The following RCAN3 variants were observed in gnomAD, a reference collection of about 807,000 sequenced individuals.
RCAN3 encodes the protein regulator of calcineurin 3.
A neutral mutation model predicts 21.9 loss-of-function variants in RCAN3; 19 were observed. That is an observed-to-expected ratio of 0.87 (90% confidence interval 0.61 to 1.27). The LOEUF is 1.27. RCAN3 is among the 50% of genes most tolerant of loss of function. The pLI, the probability that RCAN3 is intolerant of heterozygous loss-of-function variation, is 0.00. For synonymous variants in RCAN3, 114 were observed against 112.3 expected, an observed-to-expected ratio of 1.01 and a Z score of -0.09; for missense variants, 240 against 300.1, an observed-to-expected ratio of 0.80 and a Z score of 1.48.
intron 1 of RCAN3, among the ~76,000 whole-genome samples, chr1:24,506,748 A>G (rs1313784471): frequency 6.7e-6 from 1 of 149,472 alleles, no homozygotes; most frequent in Non-Finnish European, 1.5e-5. Context: ...AAGGTGTGAT[A>G]TTCTAAGAAT....
At chr1:24,533,326 G>C in intron 4 of RCAN3, 72 bp downstream of exon 4, 1 of 1,231,220 alleles carries the variant, frequency 8.1e-7, no homozygotes, top group Non-Finnish European at 1.1e-6. Flanking sequence ...TCAGCAGTGT[G>C]CATTGTGGCA....
chr1:24,534,946 A>C (rs1650106718), intron 4 of RCAN3, 147 bp from the exon 5 acceptor site: 1 of 756,632 alleles, frequency 1.3e-6, no homozygotes, highest in African/African-American at 1.8e-5. Context: ...CCAAAACAAG[A>C]TAAAATACTC....
At position 24,525,307 on chromosome 1, in the gene RCAN3, A is replaced by T. The variant is rs1374865447; in HGVS notation, c.196-5911A>T. ...TGTGTTGTTCTTAGCTATTTTAGGT[A>T]CAAGGTATGTACTGTCATTTTGATG... On this transcript the variant is annotated intron_variant, in intron 2 of 4. Transcript: ENST00000374395. The surrounding 1 kb of genome is among the most constrained non-coding windows in gnomAD (Gnocchi z 4.1). 6.6e-6 allele frequency among the ~76,000 whole-genome samples: 1 copy of T among 152,222 alleles called. No homozygotes were observed. The highest frequency in any genetic ancestry group is 1.5e-5 in the Non-Finnish European group (1 of 68,046).
At chr1:24,516,265 G>A (rs929097164) in intron 2 of RCAN3, among the ~76,000 whole-genome samples, 3 of 152,054 alleles carry the variant, frequency 2.0e-5, no homozygotes, top group Non-Finnish European at 4.4e-5. Context: ...AGGGTTTCAT[G>A]ACCAGCCTGG....
At chr1:24,519,213 A>AT (rs1648587944) in intron 2 of RCAN3, among the ~76,000 whole-genome samples, 1 of 120,812 alleles carries the variant, frequency 8.3e-6, no homozygotes, top group African/African-American at 4.2e-5. Context: ...GCCTGGCCTG[A>AT]TGTTTTTTTT....
At chr1:24,522,976 C>G (rs1281648888) in intron 2 of RCAN3, among the ~76,000 whole-genome samples, 2 of 151,996 alleles carry the variant, frequency 1.3e-5, no homozygotes, top group Admixed American at 1.3e-4. Flanking sequence ...TAGGTTGAAC[C>G]ATATGAAATT....
intron 1 of RCAN3, among the ~76,000 whole-genome samples, chr1:24,503,714 T>C (rs540264696): frequency 2.0e-5 from 3 of 152,370 alleles, no homozygotes; most frequent in South Asian, 4.1e-4. Context: ...CTTTAGAGAT[T>C]AGGATTCTAG....
intron 2 of RCAN3, among the ~76,000 whole-genome samples, chr1:24,530,489 G>A (rs1451476643): frequency 6.6e-6 from 1 of 151,216 alleles, no homozygotes; most frequent in Non-Finnish European, 1.5e-5. Context: ...GATACAAATA[G>A]ATGTTGTAAA....
At chr1:24,529,077 T>A (rs992395980) in intron 2 of RCAN3, among the ~76,000 whole-genome samples, 16 of 152,162 alleles carry the variant, frequency 1.1e-4, no homozygotes, top group Non-Finnish European at 1.6e-4. Flanking sequence ...ATCTAAATAA[T>A]TCATGAGACA....
In RCAN3 at chr1:24,514,543, A is replaced by C. The variant is rs758255648; in HGVS notation, c.171A>C (p.Ala57=). The change falls in exon 2 of 5, where the codon GCA becomes GCC. Residue 57 remains alanine, a synonymous_variant. Transcript: ENST00000374395. ...TSLFACSVHE[A]VFEAREQKER... ...TTTTTGCTTGCAGCGTCCATGAAGC[A>C]GTGTTTGAGGCACGAGAGCAGAAGG... 2 of 1,614,198 alleles carry C rather than the reference A, an allele frequency of 1.2e-6. No homozygotes were observed. Among genetic ancestry groups the C allele is most frequent in the African/African-American group, 1.3e-5 (1 of 75,054 alleles).
intron 2 of RCAN3, among the ~76,000 whole-genome samples, chr1:24,518,057 G>A (rs1283761504): frequency 1.3e-5 from 2 of 152,014 alleles, no homozygotes; most frequent in Non-Finnish European, 2.9e-5. Context: ...GGGCACATTG[G>A]CTCACACCCA....
intron 1 of RCAN3, among the ~76,000 whole-genome samples, chr1:24,505,246 T>C (rs196396): frequency 7.2e-6 from 1 of 139,062 alleles, no homozygotes; most frequent in Admixed American, 7.1e-5. Flanking sequence ...TTTTTTTTTT[T>C]TTTTTTTCTT....
Position 24,514,322 on chromosome 1 carries a change from T to C in RCAN3, c.-51T>C. On this transcript the variant is annotated 5_prime_UTR_variant, in exon 2 of 5. Coordinates refer to ENST00000374395, the MANE Select transcript of RCAN3 (RefSeq NM_013441.4). The stretch of plus-strand genomic sequence containing the variant: ...TTCTTTTTTTTTAACAGTGGGTGCC[T>C]GATAGACATCCTAGGACTATACAGA... 7.0e-7 allele frequency: 1 copy of C among 1,429,694 alleles called. No individual in the cohort carries two copies. Among genetic ancestry groups the C allele is most frequent in the Non-Finnish European group, 9.3e-7 (1 of 1,077,676 alleles). The allele number at this position is 1,429,694 out of a possible 1,614,324, so 88.6% of individuals were successfully genotyped here.
chr1:24,524,345 C>A, intron 2 of RCAN3, among the ~76,000 whole-genome samples: 1 of 152,144 alleles, frequency 6.6e-6, no homozygotes. Context: ...AATTCAGTTA[C>A]AGGTTTCTTT....
intron 2 of RCAN3, among the ~76,000 whole-genome samples, chr1:24,529,267 G>T (rs1033790621): frequency 6.6e-6 from 1 of 151,530 alleles, no homozygotes; most frequent in Admixed American, 6.6e-5. Flanking sequence ...AATTAGCCAG[G>T]TGTGGCCAGG....
chr1:24,517,086 T>TG (rs1648393251), intron 2 of RCAN3, among the ~76,000 whole-genome samples: 2 of 145,746 alleles, frequency 1.4e-5, no homozygotes, highest in African/African-American at 5.5e-5. Flanking sequence ...ATTTTTTTGT[T>TG]TTTTTTTGTT....
Position 24,502,908 on chromosome 1 carries a change from C to T in RCAN3, c.-302C>T, listed in dbSNP as rs1324620374. The T allele has an allele frequency of 6.7e-6, 1 of 150,144 alleles. No homozygotes were observed. Among genetic ancestry groups the T allele is most frequent in the Non-Finnish European group, 1.5e-5 (1 of 67,232 alleles). 9.3% of individuals were successfully genotyped at this position (150,144 alleles called of 1,614,324 possible). A position where few individuals can be genotyped will look rare whatever the true frequency, so the allele number is the denominator to read the frequency against. ...AGCCGGGACACCGCCCTAGTCCCAG[C>T]CCAGGGGGCCGCTCTCGCCGGCGTC... On this transcript the variant is annotated 5_prime_UTR_variant, in exon 1 of 5. Transcript: ENST00000374395.
chr1:24,509,831 G>T (rs565823454), intron 1 of RCAN3, among the ~76,000 whole-genome samples: 3 of 152,292 alleles, frequency 2.0e-5, no homozygotes, highest in African/African-American at 7.2e-5. Context: ...CTGAGGAATT[G>T]CTATCTCTGG....
chr1:24,532,845 G>A (rs959836645), intron 3 of RCAN3, among the ~76,000 whole-genome samples: 6 of 148,056 alleles, frequency 4.1e-5, no homozygotes, highest in African/African-American at 7.8e-5. Context: ...CCAGCTACTC[G>A]GGAGGCTGAG....
Sources: gnomAD v4.1 joint callset for allele counts (sites outside exome capture counted in the v4.1 genomes callset) on GRCh38, gnomAD v4.1.1 for gene constraint, Gnocchi (gnomAD v3.1) non-coding constraint, MANE v1.5 for transcripts, NCBI Gene and HGNC (gene_info 2026-07-23, HGNC 2026-07-21) for gene names.